ERICH6B: variants seen among roughly 807,000 people sequenced by gnomAD.
ERICH6B encodes the protein glutamate-rich protein 6B.
ERICH6B carries 69 observed loss-of-function variants against 80.0 expected under a neutral mutation model. The observed-to-expected ratio is 0.86, with a 90% CI of 0.71 to 1.05. ERICH6B has a LOEUF of 1.05. Among genes scored for constraint, ERICH6B ranks in the 50% least tolerant of loss-of-function variants. The pLI is 0.00. For synonymous variants in ERICH6B, 283 were observed against 291.9 expected (o/e 0.97, Z 0.31); for missense variants, 754 against 796.1 (o/e 0.95, Z 0.64).
At chr13:45,606,529 ATATATATATATATATATATTTTTTTTTT>A (rs1566307800) in intron 2 of ERICH6B, among the ~76,000 whole-genome samples, 13 of 23,112 alleles carry the variant, frequency 5.6e-4, no homozygotes, top group South Asian at 4.2e-3. Context: ...ATATATATAT[ATATATATATATATATATATTTTTTTTTT>A]TTTTTTTTTT....
intron 3 of ERICH6B, among the ~76,000 whole-genome samples, chr13:45,592,770 A>C (rs1876208336): frequency 6.6e-6 from 1 of 152,216 alleles, no homozygotes; most frequent in Admixed American, 6.5e-5. Flanking sequence ...GCAGGAGAGC[A>C]ATGTAGCCTG....
intron 3 of ERICH6B, among the ~76,000 whole-genome samples, chr13:45,591,716 T>C (rs938801137): frequency 6.6e-6 from 1 of 152,220 alleles, no homozygotes; most frequent in Admixed American, 6.5e-5. Context: ...ACAGCATGTT[T>C]AAAACAGTAA....
chr13:45,611,722 C>G (rs1949901057), intron 1 of ERICH6B, among the ~76,000 whole-genome samples: 1 of 152,188 alleles, frequency 6.6e-6, no homozygotes, highest in African/African-American at 2.4e-5. Context: ...CCTTGGCTTT[C>G]CAAGGATGGG....
rs34244794 is a variant in ERICH6B, at chr13:45,577,276, C to CTTTTTTTTTTTTTTTTTTTTT, written c.962-2367_962-2347dup. Among the ~76,000 whole-genome samples the CTTTTTTTTTTTTTTTTTTTTT allele has an allele frequency of 7.4e-4, 64 of 86,088 alleles. 5 individuals carry two copies. Among genetic ancestry groups the CTTTTTTTTTTTTTTTTTTTTT allele is most frequent in the South Asian group, 2.7e-3 (5 of 1,834 alleles). The allele number at this position is 86,088 out of a possible 152,430, so 56.5% of individuals were successfully genotyped here. On this transcript the variant is annotated intron_variant, in intron 7 of 14. Transcript: ENST00000298738. ...TCTCCTGGACTGATTAAAAACAAAT[C>CTTTTTTTTTTTTTTTTTTTTT]TTTTTTTTTTTTTTTTTTTTTTTTT...
intron 1 of ERICH6B, among the ~76,000 whole-genome samples, chr13:45,612,419 T>A (rs886603324): frequency 6.6e-6 from 1 of 152,180 alleles, no homozygotes; most frequent in African/African-American, 2.4e-5. Context: ...ATGTAATGAA[T>A]GAGAAAAGAG....
At chr13:45,595,555 T>A (rs73466541) in intron 3 of ERICH6B, among the ~76,000 whole-genome samples, 2,435 of 152,022 alleles carry the variant, frequency 0.016, 99 homozygotes, top group African/African-American at 0.056. Flanking sequence ...ATAAAATAAG[T>A]CTGGGGAAGA....
intron 8 of ERICH6B, among the ~76,000 whole-genome samples, chr13:45,572,951 C>T (rs1215846144): frequency 2.7e-5 from 4 of 148,140 alleles, no homozygotes; most frequent in East Asian, 2.0e-4. Context: ...CCTTGGTGGT[C>T]GAGGATATGA....
At chr13:45,544,605 A>C (rs1292811646) in intron 14 of ERICH6B, among the ~76,000 whole-genome samples, 155 bp downstream of exon 14, 1 of 152,190 alleles carries the variant, frequency 6.6e-6, no homozygotes, top group Non-Finnish European at 1.5e-5. Flanking sequence ...TGTGTACTTA[A>C]ACATCAGGTA....
At chr13:45,602,587 G>A (rs1949833512) in intron 2 of ERICH6B, among the ~76,000 whole-genome samples, 1 of 152,130 alleles carries the variant, frequency 6.6e-6, no homozygotes, top group African/African-American at 2.4e-5. Context: ...AGGACTCCAG[G>A]CTCAACTCCA....
At chr13:45,542,016 G>A (rs1289638496) in intron 14 of ERICH6B, among the ~76,000 whole-genome samples, 1 of 152,174 alleles carries the variant, frequency 6.6e-6, no homozygotes, top group Non-Finnish European at 1.5e-5. Flanking sequence ...TCCCCATGGG[G>A]TCCCGACCAT....
intron 11 of ERICH6B, among the ~76,000 whole-genome samples, chr13:45,556,416 A>G (rs564112219): frequency 6.6e-6 from 1 of 151,724 alleles, no homozygotes. Flanking sequence ...TTTTTTTCCC[A>G]TAGGTTTTTG....
chr13:45,587,295 A>G (rs554572610), intron 4 of ERICH6B, 63 bp from the exon 5 acceptor site: 327 of 1,481,052 alleles, frequency 2.2e-4, no homozygotes, highest in Admixed American at 7.3e-4. Context: ...AACCCCTTCT[A>G]AGGCATGTTA....
At chr13:45,585,919 C>T (rs1875880915) in intron 5 of ERICH6B, among the ~76,000 whole-genome samples, 1 of 152,230 alleles carries the variant, frequency 6.6e-6, no homozygotes, top group Non-Finnish European at 1.5e-5. Flanking sequence ...GGCTCGAGTC[C>T]CCTCTGTTGC....
At chr13:45,589,944 G>A (rs190543894) in intron 4 of ERICH6B, among the ~76,000 whole-genome samples, 39 of 152,304 alleles carry the variant, frequency 2.6e-4, no homozygotes, top group Admixed American at 1.3e-3. Context: ...CCATGTGGGA[G>A]CCCTGTGCCC....
chr13:45,565,074 G>T (rs1320070461), intron 9 of ERICH6B, among the ~76,000 whole-genome samples: 1 of 152,136 alleles, frequency 6.6e-6, no homozygotes, highest in Admixed American at 6.5e-5. Context: ...GTCTAAATGG[G>T]AAGAGAGGGA....
chr13:45,578,185 T>A (rs1875502201), intron 7 of ERICH6B, among the ~76,000 whole-genome samples: 1 of 152,244 alleles, frequency 6.6e-6, no homozygotes, highest in African/African-American at 2.4e-5. Flanking sequence ...ACCACCTGGT[T>A]AATATCTGAT....
chr13:45,565,095 C>G (rs1361332362), intron 9 of ERICH6B, among the ~76,000 whole-genome samples: 1 of 151,928 alleles, frequency 6.6e-6, no homozygotes, highest in South Asian at 2.1e-4. Context: ...GAAAATGGCA[C>G]AGAGGCAGTG....
At chr13:45,583,969 T>C (rs992553556) in intron 5 of ERICH6B, among the ~76,000 whole-genome samples, 6 of 152,240 alleles carry the variant, frequency 3.9e-5, no homozygotes, top group African/African-American at 1.4e-4. Flanking sequence ...ATACACACAA[T>C]GTCTCTATGT....
intron 8 of ERICH6B, among the ~76,000 whole-genome samples, chr13:45,569,188 C>T (rs1325294444): frequency 6.6e-6 from 1 of 151,960 alleles, no homozygotes; most frequent in African/African-American, 2.4e-5. Context: ...TGCAGTGGCA[C>T]AATCAGGGCT....
Sources: gnomAD v4.1 joint callset for allele counts (sites outside exome capture counted in the v4.1 genomes callset) on GRCh38, gnomAD v4.1.1 for gene constraint, MANE v1.5 for transcripts, NCBI Gene and HGNC (gene_info 2026-07-23, HGNC 2026-07-21) for gene names.